The following TRPC4 variants were observed in gnomAD, a reference collection of about 807,000 sequenced individuals.
TRPC4 encodes transient receptor potential cation channel subfamily C member 4, also known as short transient receptor potential channel 4.
TRPC4 carries 49 observed loss-of-function variants against 99.4 expected under a neutral mutation model. The observed-to-expected ratio is 0.49, with a 90% CI of 0.39 to 0.63. The LOEUF is 0.63. Ranked by LOEUF, TRPC4 falls within the 20% of genes least tolerant of loss-of-function variation. The pLI, the probability that TRPC4 is intolerant of heterozygous loss-of-function variation, is 0.00. For synonymous variants in TRPC4, 454 were observed against 425.9 expected (o/e 1.07, Z -0.81); for missense variants, 898 against 1,152.9 (o/e 0.78, Z 3.20).
chr13:37,753,605 G>GAGAGAGAGAGAA (rs1341710726), intron 2 of TRPC4, among the ~76,000 whole-genome samples: 1 of 114,360 alleles, frequency 8.7e-6, no homozygotes, highest in African/African-American at 2.8e-5. Context: ...GAGAGAGAGA[G>GAGAGAGAGAGAA]AGAAAGAAAG....
intron 2 of TRPC4, among the ~76,000 whole-genome samples, chr13:37,756,393 C>G (rs920916907): frequency 6.6e-5 from 10 of 151,948 alleles, no homozygotes; most frequent in African/African-American, 2.4e-4. Context: ...CTTATACAGA[C>G]AAAAAATTAT....
chr13:37,754,518 C>T (rs1956046030), intron 2 of TRPC4, among the ~76,000 whole-genome samples: 1 of 152,114 alleles, frequency 6.6e-6, no homozygotes, highest in Non-Finnish European at 1.5e-5. Context: ...AAATTATATA[C>T]TCACATTGCT....
chr13:37,721,589 C>A (rs1384869868), intron 3 of TRPC4, among the ~76,000 whole-genome samples: 1 of 152,066 alleles, frequency 6.6e-6, no homozygotes, highest in Non-Finnish European at 1.5e-5. Context: ...CTGAACATTG[C>A]AAACCTTGTA....
intron 2 of TRPC4, among the ~76,000 whole-genome samples, chr13:37,746,832 A>C (rs1955800678): frequency 6.6e-6 from 1 of 152,144 alleles, no homozygotes; most frequent in Non-Finnish European, 1.5e-5. Context: ...ATCAAGAAAT[A>C]CACTCAAAAA....
At chr13:37,780,864 C>T (rs1956821215) in intron 2 of TRPC4, among the ~76,000 whole-genome samples, 1 of 151,968 alleles carries the variant, frequency 6.6e-6, no homozygotes, top group Non-Finnish European at 1.5e-5. Flanking sequence ...GGTGCCTTCA[C>T]TGAAGAGGAA....
intron 1 of TRPC4, among the ~76,000 whole-genome samples, chr13:37,860,046 T>G (rs938446069): frequency 6.6e-6 from 1 of 151,288 alleles, no homozygotes; most frequent in African/African-American, 2.4e-5. Flanking sequence ...GGATAAATAT[T>G]TTGCATTGTT....
intron 3 of TRPC4, among the ~76,000 whole-genome samples, chr13:37,723,833 G>A (rs962507776): frequency 8.5e-5 from 13 of 152,128 alleles, no homozygotes; most frequent in African/African-American, 3.1e-4. Flanking sequence ...GGGATTACAG[G>A]TGTGAGCCAC....
chr13:37,647,830 A>G (rs1469311929), intron 8 of TRPC4, among the ~76,000 whole-genome samples: 1 of 152,232 alleles, frequency 6.6e-6, no homozygotes, highest in Non-Finnish European at 1.5e-5. Flanking sequence ...AGGATTAACC[A>G]AGTTGAAATA....
chr13:37,648,668 A>G (rs1345895625), intron 8 of TRPC4, among the ~76,000 whole-genome samples: 3 of 152,218 alleles, frequency 2.0e-5, no homozygotes, highest in African/African-American at 7.2e-5. Context: ...TCCTTTTGAG[A>G]CCAGTAATAT....
At chr13:37,761,601 A>T (rs981180741) in intron 2 of TRPC4, among the ~76,000 whole-genome samples, 1 of 151,958 alleles carries the variant, frequency 6.6e-6, no homozygotes, top group African/African-American at 2.4e-5. Context: ...AACATATATC[A>T]AAGCCTTCTC....
At chr13:37,845,426 T>C (rs1166419161) in intron 1 of TRPC4, among the ~76,000 whole-genome samples, 1 of 151,908 alleles carries the variant, frequency 6.6e-6, no homozygotes, top group Non-Finnish European at 1.5e-5. Context: ...GAAAAAGTTA[T>C]AAACAAAATG....
chr13:37,750,516 C>T (rs1235700451), intron 2 of TRPC4, among the ~76,000 whole-genome samples: 1 of 152,044 alleles, frequency 6.6e-6, no homozygotes. Context: ...TGGATATAAT[C>T]ATATAATTAT....
chr13:37,691,055 A>G (rs17056448), intron 4 of TRPC4, among the ~76,000 whole-genome samples: 44,177 of 152,080 alleles, frequency 0.29, 6,397 homozygotes, highest in Middle Eastern at 0.4. Flanking sequence ...AACCATGGCT[A>G]TAATAACAAG....
chr13:37,734,935 G>T (rs549211853), intron 3 of TRPC4, among the ~76,000 whole-genome samples: 4 of 152,152 alleles, frequency 2.6e-5, no homozygotes, highest in Admixed American at 2.6e-4. Flanking sequence ...ATGCCACTCC[G>T]TGTTCCCTAA....
At chr13:37,650,141 CA>C in intron 8 of TRPC4, among the ~76,000 whole-genome samples, 1 of 152,162 alleles carries the variant, frequency 6.6e-6, no homozygotes, top group Non-Finnish European at 1.5e-5. Context: ...GCCTGGTGGG[CA>C]ATGAAGTTAG....
At chr13:37,734,769 G>A (rs1291254816) in intron 3 of TRPC4, among the ~76,000 whole-genome samples, 2 of 152,108 alleles carry the variant, frequency 1.3e-5, no homozygotes, top group African/African-American at 4.8e-5. Flanking sequence ...TCATAGATAA[G>A]GGCATGGAGA....
At chr13:37,701,241 T>C (rs935711803) in intron 3 of TRPC4, among the ~76,000 whole-genome samples, 3 of 152,140 alleles carry the variant, frequency 2.0e-5, no homozygotes, top group African/African-American at 7.2e-5. Context: ...GAGTAAAGTA[T>C]CTGTTGAATG....
At position 37,655,107 on chromosome 13, in the gene TRPC4, T is replaced by A; in HGVS notation, c.1865A>T (p.Asn622Ile). The A allele has an allele frequency of 2.5e-6, 4 of 1,570,224 alleles. No homozygotes were observed. Among genetic ancestry groups the A allele is most frequent in the Non-Finnish European group, 2.6e-6 (3 of 1,156,516 alleles). Residue 622 changes from asparagine to isoleucine, a missense_variant, in exon 7 of 11, where the codon AAT becomes ATT. Transcript: ENST00000379705. Reference protein sequence around the residue: ...LLNMLIAMMNNSYQLIADHAD... With the variant: ...LLNMLIAMMNISYQLIADHAD... Reference sequence around the variant, plus strand: ...ACTTACAGCAATCAGTTGGTAAGAATTATTCATCATAGCTATTAACATGTT... The same window carrying A: ...ACTTACAGCAATCAGTTGGTAAGAAATATTCATCATAGCTATTAACATGTT...
At chr13:37,780,360 ATTTATTTTGTTCAG>A (rs1566165580) in intron 2 of TRPC4, among the ~76,000 whole-genome samples, 2 of 111,960 alleles carry the variant, frequency 1.8e-5, no homozygotes, top group Non-Finnish European at 4.0e-5. Flanking sequence ...AGGATGTTAC[ATTTATTTTGTTCAG>A]TTGGATATTG....
Sources: allele counts gnomAD v4.1 joint callset (sites outside exome capture counted in the v4.1 genomes callset), GRCh38; gene constraint gnomAD v4.1.1; transcripts MANE v1.5; gene names NCBI Gene and HGNC (gene_info 2026-07-23, HGNC 2026-07-21).